Variants in CADPS observed in about 807,000 individuals in gnomAD.
The protein encoded by CADPS is calcium-dependent secretion activator 1.
Under a neutral mutation model 167.3 loss-of-function variants are expected in CADPS, and 57 were observed. The ratio of observed to expected loss-of-function variants is 0.34; its 90% CI spans 0.28 to 0.42. The LOEUF (loss-of-function observed/expected upper bound fraction) is 0.42, where lower values mean the gene tolerates loss of function less well. Among genes scored for constraint, CADPS ranks in the 20% least tolerant of loss-of-function variants. The pLI, the probability that CADPS is intolerant of heterozygous loss-of-function variation, is 1.00. For missense variants in CADPS, 1,414 were observed against 1,738.1 expected (o/e 0.81, Z 3.32); for synonymous variants, 676 against 635.3 (o/e 1.06, Z -0.96).
intron 26 of CADPS, among the ~76,000 whole-genome samples, chr3:62,464,844 G>A (rs1337762911): frequency 6.6e-6 from 1 of 152,100 alleles, no homozygotes; most frequent in Non-Finnish European, 1.5e-5. Flanking sequence ...CAGAGTTGCT[G>A]TGCACCTAGA....
chr3:62,709,493 G>C (rs879275921), intron 3 of CADPS, among the ~76,000 whole-genome samples: 9 of 152,114 alleles, frequency 5.9e-5, no homozygotes, highest in Non-Finnish European at 1.0e-4. Context: ...TTGGGTTGTT[G>C]TTTATCATTC....
At chr3:62,679,249 T>C (rs2076768574) in intron 3 of CADPS, among the ~76,000 whole-genome samples, 1 of 152,078 alleles carries the variant, frequency 6.6e-6, no homozygotes, top group Non-Finnish European at 1.5e-5. Context: ...ATATTTCTAC[T>C]GCCACTATTT....
At chr3:62,816,294 C>G (rs1245418826) in intron 1 of CADPS, among the ~76,000 whole-genome samples, 1 of 152,076 alleles carries the variant, frequency 6.6e-6, no homozygotes, top group African/African-American at 2.4e-5. Context: ...TGGAGGCAGT[C>G]CCCAAGGAAT....
chr3:62,669,782 T>C (rs1413542120), intron 3 of CADPS, among the ~76,000 whole-genome samples: 2 of 152,216 alleles, frequency 1.3e-5, no homozygotes, highest in African/African-American at 4.8e-5. Context: ...GATGGATGCA[T>C]ATGACAATTA....
chr3:62,619,075 A>G (rs2062772129), intron 6 of CADPS, among the ~76,000 whole-genome samples: 1 of 152,230 alleles, frequency 6.6e-6, no homozygotes. Context: ...ATGCCCATTT[A>G]CTTACAGAAC....
intron 3 of CADPS, among the ~76,000 whole-genome samples, chr3:62,666,209 G>C (rs2074370135): frequency 6.6e-6 from 1 of 152,144 alleles, no homozygotes; most frequent in South Asian, 2.1e-4. Context: ...TAATTAGCGG[G>C]AGTGACCAGA....
chr3:62,739,692 A>G (rs2079785418), intron 3 of CADPS, among the ~76,000 whole-genome samples: 1 of 152,160 alleles, frequency 6.6e-6, no homozygotes, highest in African/African-American at 2.4e-5. Context: ...CCAACTTATC[A>G]TCTCCTCACT....
intron 13 of CADPS, among the ~76,000 whole-genome samples, chr3:62,522,559 G>A (rs1407008704): frequency 3.9e-5 from 6 of 152,034 alleles, no homozygotes; most frequent in Admixed American, 3.9e-4. Context: ...CCCCGTCTTT[G>A]AGGCCCCCAG....
intron 1 of CADPS, among the ~76,000 whole-genome samples, chr3:62,865,631 A>G (rs1350349685): frequency 1.3e-5 from 2 of 152,120 alleles, no homozygotes; most frequent in African/African-American, 4.8e-5. Flanking sequence ...TGTTAAAATA[A>G]AAGGAATAAC....
intron 3 of CADPS, among the ~76,000 whole-genome samples, chr3:62,708,117 G>T (rs532766374): frequency 1.6e-4 from 24 of 151,924 alleles, no homozygotes; most frequent in Non-Finnish European, 3.4e-4. Context: ...TAGAGGTGAA[G>T]TCTCACCTGT....
chr3:62,752,913 G>A (rs115880501), intron 3 of CADPS, among the ~76,000 whole-genome samples: 2,692 of 152,314 alleles, frequency 0.018, 31 homozygotes, highest in Middle Eastern at 0.027. Flanking sequence ...GCCCATTTTG[G>A]GGTGGACCCA....
At chr3:62,447,870 G>A (rs993250234) in intron 26 of CADPS, among the ~76,000 whole-genome samples, 1 of 152,052 alleles carries the variant, frequency 6.6e-6, no homozygotes, top group Non-Finnish European at 1.5e-5. Flanking sequence ...CAGGAAAGAA[G>A]GTGGCTTGCC....
chr3:62,499,149 C>T lies in CADPS; in HGVS notation c.2706+13G>A. The T allele has an allele frequency of 6.4e-7, 1 of 1,566,282 alleles. No homozygotes were observed. The highest frequency in any genetic ancestry group is 8.8e-7 in the Non-Finnish European group (1 of 1,136,596). ...AGGGACAGTAAGATACACTTCCCAC[C>T]AAGCCTGCTCACCTCTGCGTGGTGC... On this transcript the variant is annotated intron_variant, in intron 18 of 29. Transcript: ENST00000383710.
rs149309847 is a variant in CADPS, at chr3:62,864,866, T to G, written c.441+9723A>C. 2.0e-5 allele frequency among the ~76,000 whole-genome samples: 3 copies of G among 152,254 alleles called. No homozygotes were observed. The East Asian group carries it at 5.8e-4, about 29-fold the overall frequency. ...ACTATCCTGACTTAGTCTACGTCAG[T>G]GTATCTCAACTTCTCAACCAGATTG... On this transcript the variant is annotated intron_variant, in intron 1 of 29. Transcript: ENST00000383710.
At chr3:62,505,336 T>C (rs948857677) in intron 17 of CADPS, among the ~76,000 whole-genome samples, 1 of 152,234 alleles carries the variant, frequency 6.6e-6, no homozygotes, top group African/African-American at 2.4e-5. Flanking sequence ...GGATGGATCA[T>C]GGATTTTTCC....
chr3:62,828,166 T>G (rs899338618), intron 1 of CADPS, among the ~76,000 whole-genome samples: 1 of 152,164 alleles, frequency 6.6e-6, no homozygotes, highest in African/African-American at 2.4e-5. Context: ...TTGTGCCCTC[T>G]GGGAGTTAAA....
intron 9 of CADPS, among the ~76,000 whole-genome samples, chr3:62,557,795 T>C (rs1157311751): frequency 6.6e-6 from 1 of 152,224 alleles, no homozygotes. Flanking sequence ...TTCCTGGCAC[T>C]TAGTAAGTAC....
At chr3:62,417,485 A>G (rs950461937) in intron 28 of CADPS, among the ~76,000 whole-genome samples, 5 of 151,436 alleles carry the variant, frequency 3.3e-5, no homozygotes, top group Admixed American at 3.3e-4. Context: ...GGGTTTTGCT[A>G]TGTTGGCCAG....
intron 1 of CADPS, among the ~76,000 whole-genome samples, chr3:62,832,902 G>A (rs1231629555): frequency 6.6e-6 from 1 of 152,174 alleles, no homozygotes; most frequent in Non-Finnish European, 1.5e-5. Flanking sequence ...GCTCCGCTTG[G>A]ATGGAATGAA....
Sources: allele counts gnomAD v4.1 joint callset (sites outside exome capture counted in the v4.1 genomes callset), GRCh38; gene constraint gnomAD v4.1.1; transcripts MANE v1.5; gene names NCBI Gene and HGNC (gene_info 2026-07-23, HGNC 2026-07-21).